ATXN1: variants seen among roughly 807,000 people sequenced by gnomAD.
ATXN1 encodes the protein ataxin-1.
ATXN1 carries 8 observed loss-of-function variants against 56.4 expected under a neutral mutation model. The observed-to-expected ratio is 0.14, with a 90% CI of 0.08 to 0.26. The LOEUF is 0.26. Among genes scored for constraint, ATXN1 ranks in the 10% least tolerant of loss-of-function variants. ATXN1 has a pLI of 1.00. For missense variants in ATXN1, 987 were observed against 1,106.5 expected (o/e 0.89, Z 1.53); for synonymous variants, 514 against 494.6 (o/e 1.04, Z -0.52).
intron 4 of ATXN1, among the ~76,000 whole-genome samples, chr6:16,555,913 C>T (rs1762004660): frequency 1.3e-5 from 2 of 152,184 alleles, no homozygotes; most frequent in South Asian, 4.1e-4. Flanking sequence ...GTATTTATTA[C>T]TAGAGTAATG....
intron 2 of ATXN1, chr6:16,737,190 C>T (rs894783812): frequency 6.6e-6 from 1 of 152,168 alleles, no homozygotes; most frequent in Non-Finnish European, 1.5e-5. Context: ...TTCTGCCAAC[C>T]GCCTGGTTCA....
chr6:16,362,153 G>A lies in ATXN1; in HGVS notation c.-160-33683C>T, dbSNP rs186077328. The stretch of plus-strand genomic sequence containing the variant: ...TTGCTTCAAACCAAGGCAGAAACCC[G>A]TGACGATGGAGACCATTCTTGCCTT... On this transcript the variant is annotated intron_variant, in intron 6 of 7. Coordinates refer to ENST00000436367, the MANE Select transcript of ATXN1 (RefSeq NM_001128164.2). 3.9e-5 allele frequency among the ~76,000 whole-genome samples: 6 copies of A among 152,260 alleles called. No homozygotes were observed. In the East Asian group the frequency reaches 1.2e-3, roughly 29 times the overall value.
At chr6:16,687,659 C>CACACACACAT (rs1758946580) in intron 2 of ATXN1, among the ~76,000 whole-genome samples, 1 of 64,542 alleles carries the variant, frequency 1.5e-5, no homozygotes, top group African/African-American at 5.4e-5. Context: ...AGAAGAAATA[C>CACACACACAT]ACACACACAC....
chr6:16,747,930 G>A lies in ATXN1; in HGVS notation c.-615+5303C>T, dbSNP rs564033201. ...TGCACGTTTTATTCTTAGAGCTTGC[G>A]TTCAGCGCCACACCACCACCTATCA... On this transcript the variant is annotated intron_variant, in intron 2 of 7. Coordinates refer to ENST00000436367, the MANE Select transcript of ATXN1 (RefSeq NM_001128164.2). 5.3e-5 allele frequency among the ~76,000 whole-genome samples: 8 copies of A among 152,254 alleles called. No individual in the cohort carries two copies. The East Asian group carries it at 9.7e-4, about 18-fold the overall frequency.
At chr6:16,423,762 T>C (rs1481315787) in intron 6 of ATXN1, among the ~76,000 whole-genome samples, 1 of 152,200 alleles carries the variant, frequency 6.6e-6, no homozygotes, top group Non-Finnish European at 1.5e-5. Flanking sequence ...TTAAGTACAG[T>C]GCTCCTGGAG....
intron 2 of ATXN1, among the ~76,000 whole-genome samples, chr6:16,696,018 T>C (rs1759157898): frequency 6.6e-6 from 1 of 152,118 alleles, no homozygotes; most frequent in Admixed American, 6.6e-5. Flanking sequence ...AAATGTAATA[T>C]GATAACATAT....
chr6:16,512,931 T>G (rs950955144), intron 5 of ATXN1, among the ~76,000 whole-genome samples: 3 of 152,232 alleles, frequency 2.0e-5, no homozygotes, highest in African/African-American at 7.2e-5. Flanking sequence ...CTCACGTTTC[T>G]CTTTTGACCA....
intron 2 of ATXN1, among the ~76,000 whole-genome samples, chr6:16,704,325 C>CTTCTT (rs575376696): frequency 0.094 from 14,302 of 152,058 alleles, 1,144 homozygotes; most frequent in African/African-American, 0.22. Context: ...TGCCTCTGAA[C>CTTCTT]CCCCTTTCCC....
chr6:16,386,060 A>G (rs755600223), intron 6 of ATXN1, among the ~76,000 whole-genome samples: 13 of 152,208 alleles, frequency 8.5e-5, no homozygotes, highest in Admixed American at 2.0e-4. Context: ...TTGGGGTTCT[A>G]AAAGAGCAAG....
intron 6 of ATXN1, among the ~76,000 whole-genome samples, chr6:16,403,797 A>G (rs940146460): frequency 7.9e-5 from 12 of 152,082 alleles, no homozygotes; most frequent in African/African-American, 2.9e-4. Flanking sequence ...TGGACAATCT[A>G]TAGGTTGTGG....
At position 16,575,597 on chromosome 6, in the gene ATXN1, C is replaced by T. The variant is rs1454943268; in HGVS notation, c.-361+10183G>A. Among the ~76,000 whole-genome samples the T allele has an allele frequency of 3.9e-5, 6 of 152,158 alleles. No individual in the cohort carries two copies. The East Asian group carries it at 9.6e-4, about 24-fold the overall frequency. On this transcript the variant is annotated intron_variant, in intron 4 of 7. Coordinates refer to ENST00000436367, the MANE Select transcript of ATXN1 (RefSeq NM_001128164.2). The stretch of plus-strand genomic sequence containing the variant: ...TCTTAAGACAAGAACAGGCACACAG[C>T]GGGTATTCAGCTCATCTGTTCATTC...
intron 6 of ATXN1, among the ~76,000 whole-genome samples, chr6:16,431,040 TC>T (rs5874558): frequency 0.43 from 64,718 of 151,780 alleles, 14,846 homozygotes; most frequent in East Asian, 0.97. Context: ...CTCAGCACAG[TC>T]CGGAATGCAC....
chr6:16,493,118 G>A (rs977366953), intron 5 of ATXN1, among the ~76,000 whole-genome samples: 1 of 152,110 alleles, frequency 6.6e-6, no homozygotes, highest in Non-Finnish European at 1.5e-5. Context: ...CATCCCTGTT[G>A]GATCGAACTT....
intron 3 of ATXN1, among the ~76,000 whole-genome samples, chr6:16,591,464 C>T (rs1398231520): frequency 2.0e-5 from 3 of 152,072 alleles, no homozygotes; most frequent in Non-Finnish European, 4.4e-5. Context: ...TACCATGATG[C>T]TTATGTTTGC....
At chr6:16,344,490 C>T (rs746703326) in intron 6 of ATXN1, among the ~76,000 whole-genome samples, 3 of 152,202 alleles carry the variant, frequency 2.0e-5, no homozygotes, top group Non-Finnish European at 2.9e-5. Context: ...GGCAGAAGAA[C>T]GTAGAAGGAC....
chr6:16,395,874 G>T (rs1180709927), intron 6 of ATXN1, among the ~76,000 whole-genome samples: 1 of 152,034 alleles, frequency 6.6e-6, no homozygotes, highest in Non-Finnish European at 1.5e-5. Flanking sequence ...AATTAGCTGG[G>T]CATAGTGGCA....
At chr6:16,457,043 G>A (rs996859361) in intron 6 of ATXN1, among the ~76,000 whole-genome samples, 3 of 152,080 alleles carry the variant, frequency 2.0e-5, no homozygotes, top group Non-Finnish European at 4.4e-5. Flanking sequence ...CTTCCCTCAG[G>A]GTATGGCCCT....
chr6:16,623,207 C>G (rs1763349863), intron 3 of ATXN1, among the ~76,000 whole-genome samples: 1 of 152,146 alleles, frequency 6.6e-6, no homozygotes, highest in Non-Finnish European at 1.5e-5. Flanking sequence ...GTACAGAAGT[C>G]TCTAGGAAAC....
intron 3 of ATXN1, among the ~76,000 whole-genome samples, chr6:16,629,236 C>T (rs570181273): frequency 6.6e-6 from 1 of 152,298 alleles, no homozygotes; most frequent in South Asian, 2.1e-4. Context: ...CGATATTGAG[C>T]TGCTTTTCAT....
Sources: allele counts gnomAD v4.1 joint callset (sites outside exome capture counted in the v4.1 genomes callset), GRCh38; gene constraint gnomAD v4.1.1; transcripts MANE v1.5; gene names NCBI Gene and HGNC (gene_info 2026-07-23, HGNC 2026-07-21).